The following DNM2 variants were observed in gnomAD, a reference collection of about 807,000 sequenced individuals.
The protein encoded by DNM2 is dynamin 2, also known as dynamin-2.
Under a neutral mutation model 99.0 loss-of-function variants are expected in DNM2, and 15 were observed. The observed-to-expected ratio is 0.15, with a 90% CI of 0.10 to 0.23. The LOEUF (loss-of-function observed/expected upper bound fraction) is 0.23, where lower values mean the gene tolerates loss of function less well. Among genes scored for constraint, DNM2 ranks in the 10% least tolerant of loss-of-function variants. The pLI, the probability that DNM2 is intolerant of heterozygous loss-of-function variation, is 1.00. For synonymous variants in DNM2, 525 were observed against 481.2 expected, an observed-to-expected ratio of 1.09 and a Z score of -1.19; for missense variants, 742 against 1,189.4, an observed-to-expected ratio of 0.62 and a Z score of 5.53.
chr19:10,738,904 C>CA (rs2069633344), intron 1 of DNM2, among the ~76,000 whole-genome samples: 1 of 150,068 alleles, frequency 6.7e-6, no homozygotes, highest in African/African-American at 2.5e-5. Context: ...CTCAGTGACT[C>CA]ACGCCTGTAA....
rs1038188578 is a variant in DNM2 at position 10,828,950 on chromosome 19, C to T, written c.2059-86C>T. The T allele has an allele frequency of 2.1e-6, 3 of 1,410,828 alleles. No individual in the cohort carries two copies. In the South Asian group the frequency reaches 3.7e-5, roughly 17 times the overall value. The allele number at this position is 1,410,828 out of a possible 1,614,324, so 87.4% of individuals were successfully genotyped here. On this transcript the variant is annotated intron_variant, in intron 18 of 20. Transcript: ENST00000389253. ...AAAAAAGTCTGGGGGTGGCCCCGCC[C>T]TGTGAGAGATGTTTTTCCAGCAGTC...
At chr19:10,761,846 C>T (rs1490742337) in intron 2 of DNM2, among the ~76,000 whole-genome samples, 2 of 152,310 alleles carry the variant, frequency 1.3e-5, no homozygotes, top group African/African-American at 4.8e-5. Context: ...GATGGGCCCA[C>T]CACCTCTTCT....
chr19:10,733,191 GT>G (rs34624666), intron 1 of DNM2, among the ~76,000 whole-genome samples: 73,533 of 123,594 alleles, frequency 0.59, 21,144 homozygotes, highest in African/African-American at 0.65. Context: ...GGCTGGTGTG[GT>G]TTTTTTTTTT....
chr19:10,820,090 G>A lies in DNM2; in HGVS notation c.1781+1G>A. 6.2e-7 allele frequency: 1 copy of A among 1,614,134 alleles called. No homozygotes were observed. Among genetic ancestry groups the A allele is most frequent in the Admixed American group, 1.7e-5 (1 of 60,024 alleles). On this transcript the variant is annotated splice_donor_variant, in intron 16 of 20. Coordinates refer to ENST00000389253, the MANE Select transcript of DNM2 (RefSeq NM_001005361.3). LOFTEE classifies it high-confidence loss of function. The surrounding 1 kb of genome is among the most constrained non-coding windows in gnomAD (Gnocchi z 4.3). Reference sequence around the variant, plus strand: ...TCGCCATCTTCAACACGGAGCAGAGGTGAGGGGCCCAGGGGCCTGGGGATG... The same window carrying A: ...TCGCCATCTTCAACACGGAGCAGAGATGAGGGGCCCAGGGGCCTGGGGATG...
At chr19:10,720,675 A>G (rs1208433956) in intron 1 of DNM2, among the ~76,000 whole-genome samples, 1 of 152,086 alleles carries the variant, frequency 6.6e-6, no homozygotes, top group African/African-American at 2.4e-5. Context: ...GACTGCAGTG[A>G]GCCGTGATTG....
At position 10,829,116 on chromosome 19, in the gene DNM2, T is replaced by G. The variant is rs2229920; in HGVS notation, c.2139T>G (p.Ala713=). 4.3e-6 allele frequency: 7 copies of G among 1,613,574 alleles called. No homozygotes were observed. Among genetic ancestry groups the G allele is most frequent in the Non-Finnish European group, 5.9e-6 (7 of 1,179,880 alleles). The change falls in exon 19 of 21, where the codon GCT becomes GCG. Residue 713 remains alanine, a synonymous_variant. Coordinates refer to ENST00000389253, the MANE Select transcript of DNM2 (RefSeq NM_001005361.3). ...ADQSSLMEES[A]DQAQRRDDML... Reference sequence around the variant, plus strand: ...AGAGCAGCCTCATGGAGGAGTCGGCTGACCAGGCACAGCGGCGGGACGACA... The same window carrying G: ...AGAGCAGCCTCATGGAGGAGTCGGCGGACCAGGCACAGCGGCGGGACGACA...
chr19:10,742,415 G>T (rs2069786774), intron 1 of DNM2, among the ~76,000 whole-genome samples: 1 of 152,158 alleles, frequency 6.6e-6, no homozygotes, highest in Non-Finnish European at 1.5e-5. Context: ...GTGGAATAGG[G>T]CCTTATGCGT....
chr19:10,742,955 G>A (rs1480248914), intron 1 of DNM2, among the ~76,000 whole-genome samples: 1 of 134,496 alleles, frequency 7.4e-6, no homozygotes, highest in Non-Finnish European at 1.6e-5. Flanking sequence ...CCTCTGTCAT[G>A]CAGGTTGTGG....
intron 5 of DNM2, among the ~76,000 whole-genome samples, chr19:10,779,498 C>CTTTTTTT (rs1227116160): frequency 3.7e-5 from 2 of 54,460 alleles, no homozygotes; most frequent in East Asian, 5.7e-4. Context: ...TTCTTTCTTT[C>CTTTTTTT]TTTCTTTTTT....
At chr19:10,770,184 TGAA>T (rs1317923144) in intron 2 of DNM2, among the ~76,000 whole-genome samples, 5 of 152,250 alleles carry the variant, frequency 3.3e-5, no homozygotes, top group African/African-American at 1.2e-4. Flanking sequence ...CTTTCTGCCT[TGAA>T]GATTCTAGAC....
Position 10,775,971 on chromosome 19 carries a change from C to T in DNM2, c.589+65C>T. On this transcript the variant is annotated intron_variant, in intron 4 of 20. Coordinates refer to ENST00000389253, the MANE Select transcript of DNM2 (RefSeq NM_001005361.3). This position sits in a 1 kb window ranked among gnomAD's most constrained non-coding sequence, Gnocchi z 4.3. Reference sequence around the variant, plus strand: ...TCTGAGCATGGGATGTGCCCAGCATCCTTGGTTCCAAGTCACTGGCGTTCT... The same window carrying T: ...TCTGAGCATGGGATGTGCCCAGCATTCTTGGTTCCAAGTCACTGGCGTTCT... The T allele has an allele frequency of 8.9e-6, 14 of 1,581,712 alleles. No individual in the cohort carries two copies. The highest frequency in any genetic ancestry group is 1.1e-5 in the Non-Finnish European group (13 of 1,168,030).
intron 1 of DNM2, among the ~76,000 whole-genome samples, chr19:10,745,378 G>C (rs1438875042): frequency 6.6e-6 from 1 of 152,312 alleles, no homozygotes; most frequent in African/African-American, 2.4e-5. Context: ...CTGGGTGCTG[G>C]GGAAAGGGCG....
chr19:10,802,526 C>T (rs1471666264), intron 12 of DNM2, 168 bp downstream of exon 12: 3 of 767,144 alleles, frequency 3.9e-6, no homozygotes, highest in Non-Finnish European at 6.8e-6. Flanking sequence ...CTCTCCTGGG[C>T]TGATAGTGGT....
rs1599403017 is a variant in DNM2 at position 10,718,497 on chromosome 19, C to T, written c.161+94C>T. ...GCGCCGTGCGCCGCCGGCGTAACTGCGGCGCTTGCGTGCCCGCGGCGGGGA... is the reference window on the plus strand; with the variant it reads ...GCGCCGTGCGCCGCCGGCGTAACTGTGGCGCTTGCGTGCCCGCGGCGGGGA... On this transcript the variant is annotated intron_variant, in intron 1 of 20. Transcript: ENST00000389253. 15 of 1,261,048 alleles carry T rather than the reference C, an allele frequency of 1.2e-5. No individual in the cohort carries two copies. In the East Asian group the frequency reaches 2.7e-4, roughly 22 times the overall value. 78.1% of individuals were successfully genotyped at this position (1,261,048 alleles called of 1,614,324 possible).
At chr19:10,789,006 A>G (rs960764176) in intron 7 of DNM2, among the ~76,000 whole-genome samples, 4 of 152,154 alleles carry the variant, frequency 2.6e-5, no homozygotes, top group African/African-American at 9.7e-5. Flanking sequence ...AACACTTTCT[A>G]CAGAGCAGAT....
rs747484495 is a variant in DNM2, at chr19:10,759,730, C to T, written c.162-8C>T. On this transcript the variant is annotated splice_polypyrimidine_tract_variant and splice_region_variant and intron_variant, in intron 1 of 20. Coordinates refer to ENST00000389253, the MANE Select transcript of DNM2 (RefSeq NM_001005361.3). ...AGAGTAATTTCTGTCCCTCTCCCCC[C>T]CTCACAGGGACTTCCTTCCCCGCGG... 6.8e-6 allele frequency: 11 copies of T among 1,614,060 alleles called. No homozygotes were observed. In the Middle Eastern group the frequency reaches 4.9e-4, roughly 72 times the overall value.
chr19:10,806,036 C>G (rs1175968217), intron 13 of DNM2, 69 bp downstream of exon 13: 1 of 1,599,292 alleles, frequency 6.3e-7, no homozygotes, highest in South Asian at 1.1e-5. Context: ...CAGCTAAGCC[C>G]CCGTGATGGA....
At chr19:10,761,500 GGGA>G (rs2070632672) in intron 2 of DNM2, among the ~76,000 whole-genome samples, 3 of 152,140 alleles carry the variant, frequency 2.0e-5, no homozygotes, top group Non-Finnish European at 4.4e-5. Flanking sequence ...AGCTAGACCC[GGGA>G]GAGGTAAGGG....
rs778020908 is a variant in DNM2 at position 10,786,666 on chromosome 19, C to T, written c.952C>T (p.Arg318Trp). Residue 318 changes from arginine (R) to tryptophan (W), a missense_variant, in exon 7 of 21, where the codon CGG becomes TGG. By Grantham distance (101) the Arg-to-Trp change is moderately radical. This residue lies in a region of DNM2 where 44 missense variants were observed against 41.3 expected (regional missense o/e 1.06). Coordinates refer to ENST00000389253, the MANE Select transcript of DNM2 (RefSeq NM_001005361.3). ...EKEVEEYKNF[R>W]PDDPTRKTKA... ...GGAGGTGGAGGAGTACAAGAACTTT[C>T]GGCCCGACGACCCCACCCGCAAAAC... is the stretch of plus-strand genomic sequence containing the variant. 5.0e-6 allele frequency: 8 copies of T among 1,614,154 alleles called. No individual in the cohort carries two copies. Among genetic ancestry groups the T allele is most frequent in the Admixed American group, 1.7e-5 (1 of 60,012 alleles).
Sources: allele counts gnomAD v4.1 joint callset (sites outside exome capture counted in the v4.1 genomes callset), GRCh38; gene constraint gnomAD v4.1.1; regional missense constraint gnomAD v4.1.1; non-coding constraint Gnocchi (gnomAD v3.1); transcripts MANE v1.5; gene names NCBI Gene and HGNC (gene_info 2026-07-23, HGNC 2026-07-21).